Variants in RIMS3 observed in about 807,000 individuals in gnomAD.
RIMS3 encodes regulating synaptic membrane exocytosis 3, also known as regulating synaptic membrane exocytosis protein 3.
In RIMS3, 15 loss-of-function variants were observed where a neutral mutation model predicts 29.2. The ratio of observed to expected loss-of-function variants is 0.51; its 90% CI spans 0.34 to 0.79. The LOEUF (loss-of-function observed/expected upper bound fraction) is 0.79. Ranked by LOEUF, RIMS3 falls within the 30% of genes least tolerant of loss-of-function variation. The pLI is 0.01. For synonymous variants in RIMS3, 161 were observed against 170.1 expected, an observed-to-expected ratio of 0.95 and a Z score of 0.41; for missense variants, 342 against 421.4, an observed-to-expected ratio of 0.81 and a Z score of 1.65.
chr1:40,677,029 C>T, the RIMS3 span, among the ~76,000 whole-genome samples: 5 of 147,518 alleles, frequency 3.4e-5, no homozygotes, highest in Non-Finnish European at 5.9e-5. Flanking sequence ...GATAGAGTCT[C>T]TCTCTGTCAC....
chr1:40,685,917 G>A, the RIMS3 span, among the ~76,000 whole-genome samples: 1 of 152,158 alleles, frequency 6.6e-6, no homozygotes, highest in South Asian at 2.1e-4. Flanking sequence ...GCTGAGGCAG[G>A]GGGGCAGATC....
chr1:40,644,698 A>T (rs1192044327), intron 2 of RIMS3, among the ~76,000 whole-genome samples: 1 of 152,176 alleles, frequency 6.6e-6, no homozygotes, highest in Non-Finnish European at 1.5e-5. Context: ...AGCTGAAGTC[A>T]GTATCCTCTG....
chr1:40,661,136 CT>C (rs1352040280), intron 1 of RIMS3, among the ~76,000 whole-genome samples: 1 of 152,200 alleles, frequency 6.6e-6, no homozygotes, highest in Non-Finnish European at 1.5e-5. Flanking sequence ...AATCCCAGCT[CT>C]GCCACTTGAT....
At chr1:40,691,557 G>C in the RIMS3 span, 1 of 310,436 alleles carries the variant, frequency 3.2e-6, no homozygotes, top group Non-Finnish European at 6.5e-6. Context: ...AAGGGGGCGG[G>C]GTTAAAACTC....
intron 1 of RIMS3, among the ~76,000 whole-genome samples, chr1:40,655,436 TC>T (rs1023057888): frequency 1.3e-5 from 2 of 152,076 alleles, no homozygotes; most frequent in African/African-American, 4.8e-5. Flanking sequence ...TGAGCCCCCC[TC>T]CCAAGCAGGT....
chr1:40,681,642 C>G, the RIMS3 span: 1 of 152,130 alleles, frequency 6.6e-6, no homozygotes, highest in Non-Finnish European at 1.5e-5. Context: ...CACATTTTAG[C>G]TCTTATTATT....
the RIMS3 span, among the ~76,000 whole-genome samples, chr1:40,674,356 G>GA: frequency 6.6e-6 from 1 of 152,194 alleles, no homozygotes; most frequent in Admixed American, 6.5e-5. Context: ...AGGAAAAGCT[G>GA]CCCAGACCAC....
At chr1:40,668,625 TG>T (rs1303940986), upstream of RIMS3, among the ~76,000 whole-genome samples, 1 of 151,814 alleles carries the variant, frequency 6.6e-6, no homozygotes, top group African/African-American at 2.4e-5. Flanking sequence ...AACACCATAA[TG>T]TATCAGAAAA....
intron 1 of RIMS3, among the ~76,000 whole-genome samples, chr1:40,648,312 C>A (rs938726242): frequency 6.6e-6 from 1 of 152,174 alleles, no homozygotes; most frequent in East Asian, 1.9e-4. Context: ...CTCTACAAAA[C>A]GAGTCTAATC....
At chr1:40,685,300 A>AAT in the RIMS3 span, among the ~76,000 whole-genome samples, 1,008 of 22,478 alleles carry the variant, frequency 0.045, 9 homozygotes, top group Non-Finnish European at 0.081. Flanking sequence ...TATATATTAT[A>AAT]TATATTAATA....
At chr1:40,650,238 C>A (rs1457386532) in intron 1 of RIMS3, among the ~76,000 whole-genome samples, 1 of 152,208 alleles carries the variant, frequency 6.6e-6, no homozygotes, top group Non-Finnish European at 1.5e-5. Flanking sequence ...GCCATGCCCC[C>A]TTCCCAGGAC....
intron 1 of RIMS3, among the ~76,000 whole-genome samples, chr1:40,661,053 C>T (rs1244288485): frequency 6.6e-6 from 1 of 152,126 alleles, no homozygotes; most frequent in Non-Finnish European, 1.5e-5. Flanking sequence ...AAACCCAGGG[C>T]AGGTGGTCGC....
rs1233136654 is a variant in RIMS3, at chr1:40,635,467, T to C, written c.359+449A>G. 3.3e-5 allele frequency among the ~76,000 whole-genome samples: 5 copies of C among 152,360 alleles called. No homozygotes were observed. The South Asian group carries it at 8.3e-4, about 25-fold the overall frequency. On this transcript the variant is annotated intron_variant, in intron 4 of 7. Coordinates refer to ENST00000372684, the MANE Select transcript of RIMS3 (RefSeq NM_014747.3). The surrounding 1 kb of genome is among the most constrained non-coding windows in gnomAD (Gnocchi z 4.1). ...TTTATTTCCTGTCTATGAGTCACCA[T>C]CCATGGTTTGAAAAACACTGATCTA...
the RIMS3 span, among the ~76,000 whole-genome samples, chr1:40,684,916 A>G: frequency 6.1e-4 from 93 of 152,214 alleles, 1 homozygote; most frequent in South Asian, 0.019. Flanking sequence ...GTGTTTCATC[A>G]GGGTCTGGAA....
At chr1:40,683,357 A>G in the RIMS3 span, among the ~76,000 whole-genome samples, 1 of 152,258 alleles carries the variant, frequency 6.6e-6, no homozygotes, top group East Asian at 1.9e-4. Flanking sequence ...CTCTGCCCTC[A>G]TAAATGGATT....
At chr1:40,682,241 A>G in the RIMS3 span, among the ~76,000 whole-genome samples, 1 of 152,208 alleles carries the variant, frequency 6.6e-6, no homozygotes, top group Non-Finnish European at 1.5e-5. Context: ...GTTGTTGTTT[A>G]GGTACCTATT....
the RIMS3 span, among the ~76,000 whole-genome samples, chr1:40,674,058 G>A: frequency 2.0e-5 from 3 of 152,150 alleles, no homozygotes; most frequent in Non-Finnish European, 1.5e-5. Context: ...AGTAGCTACC[G>A]CTTACAGTAA....
At chr1:40,677,417 G>A in the RIMS3 span, among the ~76,000 whole-genome samples, 1 of 151,888 alleles carries the variant, frequency 6.6e-6, no homozygotes, top group Non-Finnish European at 1.5e-5. Flanking sequence ...GATCACACTT[G>A]GCCGGGTGCG....
chr1:40,660,621 C>T (rs1642338856), intron 1 of RIMS3, among the ~76,000 whole-genome samples: 1 of 151,984 alleles, frequency 6.6e-6, no homozygotes, highest in Non-Finnish European at 1.5e-5. Context: ...CTCAAGTGAT[C>T]CGCCTGCCCC....
Sources: gnomAD v4.1 joint callset for allele counts (sites outside exome capture counted in the v4.1 genomes callset) on GRCh38, gnomAD v4.1.1 for gene constraint, Gnocchi (gnomAD v3.1) non-coding constraint, MANE v1.5 for transcripts, NCBI Gene and HGNC (gene_info 2026-07-23, HGNC 2026-07-21) for gene names.